Variants in TCOF1 observed in about 807,000 individuals in gnomAD.
The protein encoded by TCOF1 is treacle ribosome biogenesis factor 1.
TCOF1 carries 33 observed loss-of-function variants against 149.0 expected under a neutral mutation model. That is an observed-to-expected ratio of 0.22 (90% CI 0.17 to 0.30). TCOF1 has a LOEUF of 0.30. Among genes scored for constraint, TCOF1 ranks in the 10% least tolerant of loss-of-function variants. TCOF1 has a pLI of 1.00. For missense variants in TCOF1, 1,728 were observed against 1,840.7 expected (o/e 0.94, Z 1.12); for synonymous variants, 789 against 738.8 (o/e 1.07, Z -1.10).
chr5:150,372,334 A>C, intron 7 of TCOF1, 98 bp downstream of exon 7: 1 of 1,071,882 alleles, frequency 9.3e-7, no homozygotes, highest in South Asian at 1.5e-5. Context: ...AGTTGGGGAG[A>C]GGGAGGACTA....
intron 23 of TCOF1, chr5:150,394,590 C>G (rs1342215671): frequency 6.6e-6 from 1 of 152,264 alleles, no homozygotes; most frequent in Non-Finnish European, 1.5e-5. Flanking sequence ...AGGGCTTCCC[C>G]AGCCTTGGTG....
intron 5 of TCOF1, 30 bp downstream of exon 5, chr5:150,368,932 TC>T: frequency 6.2e-7 from 1 of 1,612,506 alleles, no homozygotes; most frequent in South Asian, 1.1e-5. Flanking sequence ...AGGAACCTAG[TC>T]CCCAGAACTT....
intron 5 of TCOF1, 119 bp downstream of exon 5, chr5:150,369,021 C>G: frequency 7.7e-7 from 1 of 1,301,398 alleles, no homozygotes; most frequent in African/African-American, 1.5e-5. Context: ...CCAGGACAGC[C>G]AGGTTCCTGC....
At chr5:150,397,624 G>A (rs892187893) in intron 24 of TCOF1, among the ~76,000 whole-genome samples, 5 of 152,124 alleles carry the variant, frequency 3.3e-5, no homozygotes, top group Admixed American at 6.5e-5. Flanking sequence ...CTCGAGCATC[G>A]CCCTGGACGG....
At position 150,375,744 on chromosome 5, in the gene TCOF1, C is replaced by T. The variant is rs758345631; in HGVS notation, c.1728C>T (p.Leu576=). The change falls in exon 12 of 27, where the codon CTC becomes CTT. Residue 576 remains leucine (L), a synonymous_variant. Transcript: ENST00000643257. ...PAQEKSLGNI[L]QAKPTSSPAK... ...AGGAAAAGTCCTTGGGGAACATCCT[C>T]CAGGCCAAACCCACCTCCAGTCCTG... The T allele has an allele frequency of 6.2e-7, 1 of 1,614,272 alleles. No homozygotes were observed. Among genetic ancestry groups the T allele is most frequent in the African/African-American group, 1.3e-5 (1 of 75,076 alleles).
chr5:150,378,608 C>A, intron 14 of TCOF1: 2 of 426,536 alleles, frequency 4.7e-6, no homozygotes, highest in South Asian at 4.5e-5. Flanking sequence ...TTAGCTAATG[C>A]TAAGGAAGGC....
intron 25 of TCOF1, 48 bp from the exon 26 acceptor site, chr5:150,398,973 TG>T: frequency 6.2e-7 from 1 of 1,614,006 alleles, no homozygotes; most frequent in Non-Finnish European, 8.5e-7. Context: ...CAGCAGTGGG[TG>T]GGGAAAAGCT....
chr5:150,383,548 A>T (rs896680326), intron 17 of TCOF1, among the ~76,000 whole-genome samples: 6 of 152,324 alleles, frequency 3.9e-5, no homozygotes, highest in Middle Eastern at 3.4e-3. Flanking sequence ...GGTACTTGCC[A>T]CAGTCCCCTG....
intron 2 of TCOF1, among the ~76,000 whole-genome samples, chr5:150,361,915 G>C (rs1362264055): frequency 6.6e-6 from 1 of 152,178 alleles, no homozygotes; most frequent in African/African-American, 2.4e-5. Flanking sequence ...GAGGAATTTT[G>C]TCTTTATCCA....
At chr5:150,385,638 C>G (rs1279365496) in intron 17 of TCOF1, among the ~76,000 whole-genome samples, 9 of 152,188 alleles carry the variant, frequency 5.9e-5, no homozygotes, top group Non-Finnish European at 1.3e-4. Flanking sequence ...CATCAGCCCC[C>G]TCTCCCCACT....
Position 150,391,672 on chromosome 5 carries a change from C to T in TCOF1, c.3297+15C>T, listed in dbSNP as rs1313266583. On this transcript the variant is annotated intron_variant, in intron 20 of 26. Transcript: ENST00000643257. ...CTTCAAGTGGGGTGAGCTTGGGGAG[C>T]CAGGGGAAGCAAGCCCACGGAGCGT... is the stretch of plus-strand genomic sequence containing the variant. The T allele has an allele frequency of 1.2e-6, 2 of 1,609,054 alleles. No homozygotes were observed. The highest frequency in any genetic ancestry group is 2.2e-5 in the South Asian group (2 of 90,698).
intron 14 of TCOF1, among the ~76,000 whole-genome samples, chr5:150,377,192 G>A (rs994216983): frequency 2.0e-5 from 3 of 152,232 alleles, no homozygotes; most frequent in African/African-American, 7.2e-5. Context: ...GCGGCACATT[G>A]TGGTGGGATG....
At chr5:150,393,664 A>G in intron 23 of TCOF1, 112 bp downstream of exon 23, 1 of 1,421,332 alleles carries the variant, frequency 7.0e-7, no homozygotes, top group Non-Finnish European at 9.7e-7. Flanking sequence ...GTCTGCCCCC[A>G]GAGCCTCTCC....
chr5:150,379,276 G>A lies in TCOF1; in HGVS notation c.2526G>A (p.Arg842=). ...CCCAGAACAGTACCGTCTTGGCGAGGGGCCCAGCATCTGTGCCATCTGTGG... is the reference window on the plus strand; with the variant it reads ...CCCAGAACAGTACCGTCTTGGCGAGAGGCCCAGCATCTGTGCCATCTGTGG... ...RNPQNSTVLA[R]GPASVPSVGK... The change falls in exon 16 of 27, where the codon AGG becomes AGA. Residue 842 remains arginine, a synonymous_variant. Transcript: ENST00000643257. The A allele has an allele frequency of 6.2e-7, 1 of 1,614,216 alleles. No individual in the cohort carries two copies. The highest frequency in any genetic ancestry group is 8.5e-7 in the Non-Finnish European group (1 of 1,180,036).
chr5:150,362,256 A>C (rs1760285906), intron 2 of TCOF1, among the ~76,000 whole-genome samples: 1 of 152,202 alleles, frequency 6.6e-6, no homozygotes, highest in African/African-American at 2.4e-5. Flanking sequence ...TCTTCAAGGA[A>C]GGGGGAATCA....
At chr5:150,376,652 C>T in intron 14 of TCOF1, 32 bp downstream of exon 14, 1 of 1,548,262 alleles carries the variant, frequency 6.5e-7, no homozygotes, top group Non-Finnish European at 8.7e-7. Context: ...CCCATCCCAC[C>T]CACACCTGTT....
intron 24 of TCOF1, among the ~76,000 whole-genome samples, chr5:150,397,985 G>A (rs1768919203): frequency 6.6e-6 from 1 of 152,110 alleles, no homozygotes. Context: ...TTCAGTGTCA[G>A]GAACGCAGCT....
intron 23 of TCOF1, among the ~76,000 whole-genome samples, chr5:150,395,164 T>C (rs527703318): frequency 4.8e-4 from 73 of 152,324 alleles, no homozygotes; most frequent in Admixed American, 1.8e-3. Flanking sequence ...GAAATCCTGG[T>C]TGGGGCTGAG....
rs752530186 is a variant in TCOF1, at chr5:150,375,759, C to T, written c.1743C>T (p.Thr581=). 3 of 1,614,158 alleles carry T rather than the reference C, an allele frequency of 1.9e-6. No homozygotes were observed. Among genetic ancestry groups the T allele is most frequent in the Admixed American group, 3.3e-5 (2 of 60,016 alleles). The change falls in exon 12 of 27, where the codon ACC becomes ACT. Residue 581 remains threonine, a synonymous_variant. Coordinates refer to ENST00000643257, the MANE Select transcript of TCOF1 (RefSeq NM_001371623.1). ...SLGNILQAKP[T]SSPAKGPPQK... ...GGAACATCCTCCAGGCCAAACCCACCTCCAGTCCTGCCAAGGGGCCCCCTC... is the reference window on the plus strand; with the variant it reads ...GGAACATCCTCCAGGCCAAACCCACTTCCAGTCCTGCCAAGGGGCCCCCTC...
Sources: allele counts gnomAD v4.1 joint callset (sites outside exome capture counted in the v4.1 genomes callset), GRCh38; gene constraint gnomAD v4.1.1; transcripts MANE v1.5; gene names NCBI Gene and HGNC (gene_info 2026-07-23, HGNC 2026-07-21).